Variants in DDX46 observed in about 807,000 individuals in gnomAD.
DDX46 encodes the protein probable ATP-dependent RNA helicase DDX46.
In DDX46, 30 loss-of-function variants were observed where a neutral mutation model predicts 134.9. The ratio of observed to expected loss-of-function variants is 0.22; its 90% confidence interval spans 0.17 to 0.30. The LOEUF (loss-of-function observed/expected upper bound fraction) is 0.30. DDX46 is among the 10% of genes least tolerant of loss of function. The pLI is 1.00. For synonymous variants in DDX46, 415 were observed against 404.1 expected (o/e 1.03, Z -0.32); for missense variants, 622 against 1,248.7 (o/e 0.50, Z 7.56).
chr5:134,778,807 C>T (rs1754035767), intron 6 of DDX46, among the ~76,000 whole-genome samples: 1 of 152,140 alleles, frequency 6.6e-6, no homozygotes, highest in African/African-American at 2.4e-5. Context: ...CTCCCGACCT[C>T]AGGTGATCCT....
At chr5:134,807,285 G>C (rs1199247921) in intron 15 of DDX46, among the ~76,000 whole-genome samples, 5 of 151,118 alleles carry the variant, frequency 3.3e-5, no homozygotes, top group African/African-American at 7.3e-5. Flanking sequence ...CTCTCAAAGT[G>C]CTGGGATTAC....
intron 5 of DDX46, among the ~76,000 whole-genome samples, chr5:134,775,694 A>G (rs990483013): frequency 2.0e-5 from 3 of 152,110 alleles, no homozygotes; most frequent in Non-Finnish European, 1.5e-5. Context: ...GGGTTTCACT[A>G]TGTTGGCCAG....
chr5:134,785,795 T>C (rs982263774), intron 11 of DDX46, among the ~76,000 whole-genome samples: 1 of 152,146 alleles, frequency 6.6e-6, no homozygotes, highest in Non-Finnish European at 1.5e-5. Flanking sequence ...GGTGACTAGT[T>C]AATGTTATAT....
At chr5:134,808,083 A>G (rs1755039974) in intron 16 of DDX46, 142 bp downstream of exon 16, 2 of 759,970 alleles carry the variant, frequency 2.6e-6, no homozygotes, top group African/African-American at 1.8e-5. Context: ...GTTGATGTTA[A>G]TAATTTATAT....
intron 5 of DDX46, among the ~76,000 whole-genome samples, chr5:134,776,913 CAAAAA>C (rs59477051): frequency 1.3e-5 from 1 of 78,164 alleles, no homozygotes; most frequent in African/African-American, 5.3e-5. Context: ...GACTCTGTCT[CAAAAA>C]AAAAAAAAAA....
rs1580796200 is a variant in DDX46, at chr5:134,790,203, G to GCC, written c.1544-267_1544-266insCC. The GCC allele has an allele frequency of 1.2e-5, 7 of 565,686 alleles. No individual in the cohort carries two copies. In the East Asian group the frequency reaches 2.9e-4, roughly 23 times the overall value. 35.0% of individuals were successfully genotyped at this position (565,686 alleles called of 1,614,324 possible). A position where few individuals can be genotyped will look rare whatever the true frequency, so the allele number is the denominator to read the frequency against. On this transcript the variant is annotated intron_variant, in intron 12 of 22. Transcript: ENST00000452510. ...GAGGGCTGTTTTCTGAATTTTACAGGTTCTTCAGGCCCTATGATGGTATGC... is the reference window on the plus strand; with the variant it reads ...GAGGGCTGTTTTCTGAATTTTACAGGCCTTCTTCAGGCCCTATGATGGTATGC...
In DDX46 at chr5:134,781,375, C is replaced by G. The variant is rs142856466; in HGVS notation, c.879+129C>G. 530 of 701,118 alleles carry G rather than the reference C, an allele frequency of 7.6e-4. 5 individuals are homozygous for G. The East Asian group carries it at 0.016, about 21-fold the overall frequency. The allele number at this position is 701,118 out of a possible 1,614,324, so 43.4% of individuals were successfully genotyped here. On this transcript the variant is annotated intron_variant, in intron 7 of 22. Transcript: ENST00000452510. ...TTCCCAGAATTGAGAGACATTCTTG[C>G]TATTCTTAGTAGTATAATAGTATCT...
intron 15 of DDX46, chr5:134,804,958 CACAA>C (rs1754938563): frequency 2.8e-6 from 1 of 356,908 alleles, no homozygotes; most frequent in Admixed American, 2.9e-5. Context: ...GATCTCACAA[CACAA>C]ACCCCTTGAA....
chr5:134,796,203 A>G (rs1398135170), intron 15 of DDX46, 53 bp downstream of exon 15: 4 of 1,581,918 alleles, frequency 2.5e-6, no homozygotes, highest in African/African-American at 2.7e-5. Context: ...CTTGCCAAGC[A>G]TTGTGCTGTG....
chr5:134,763,392 C>G (rs1046691293), intron 1 of DDX46, among the ~76,000 whole-genome samples: 2 of 152,240 alleles, frequency 1.3e-5, no homozygotes, highest in African/African-American at 4.8e-5. Context: ...CGTCTTATGG[C>G]ACGCTGTGTC....
intron 15 of DDX46, among the ~76,000 whole-genome samples, chr5:134,798,172 C>T (rs530908868): frequency 6.7e-6 from 1 of 149,000 alleles, no homozygotes; most frequent in Non-Finnish European, 1.5e-5. Flanking sequence ...CGCCCCCCAC[C>T]GTTTTTTTTT....
At chr5:134,769,327 G>GTTTTTTTTTTTTTTTTTTTTTTTTTTT (rs1026334806) in intron 3 of DDX46, among the ~76,000 whole-genome samples, 3 of 100,482 alleles carry the variant, frequency 3.0e-5, no homozygotes, top group African/African-American at 4.1e-5. Flanking sequence ...TATTTTCAAG[G>GTTTTTTTTTTTTTTTTTTTTTTTTTTT]TTTTTTTTTT....
intron 5 of DDX46, among the ~76,000 whole-genome samples, chr5:134,774,626 A>G (rs1490552895): frequency 6.6e-6 from 1 of 152,238 alleles, no homozygotes; most frequent in Non-Finnish European, 1.5e-5. Flanking sequence ...TTAATATATT[A>G]TACCAATGTG....
At chr5:134,807,637 A>G in intron 15 of DDX46, 111 bp from the exon 16 acceptor site, 2 of 882,324 alleles carry the variant, frequency 2.3e-6, no homozygotes, top group Non-Finnish European at 3.4e-6. Context: ...TATTTTCTAT[A>G]TTTTAGGAGT....
intron 19 of DDX46, chr5:134,817,205 C>T (rs1018504918): frequency 3.1e-6 from 1 of 319,722 alleles, no homozygotes; most frequent in South Asian, 6.4e-5. Flanking sequence ...GAAATATTTA[C>T]TGTGTCTGAC....
intron 22 of DDX46, 100 bp downstream of exon 22, chr5:134,827,120 T>A: frequency 8.1e-7 from 1 of 1,231,968 alleles, no homozygotes; most frequent in Non-Finnish European, 1.1e-6. Context: ...TATAGTTTGA[T>A]GAATTTTCAC....
intron 15 of DDX46, among the ~76,000 whole-genome samples, chr5:134,806,219 A>C (rs948591797): frequency 6.6e-6 from 1 of 152,132 alleles, no homozygotes; most frequent in Admixed American, 6.5e-5. Flanking sequence ...CTTTAAAAAA[A>C]AAAAAAAGAG....
At chr5:134,782,819 A>G in intron 8 of DDX46, 126 bp from the exon 9 acceptor site, 1 of 1,230,982 alleles carries the variant, frequency 8.1e-7, no homozygotes, top group Non-Finnish European at 1.1e-6. Flanking sequence ...AGTTGCTAGG[A>G]TTACAGGTGT....
chr5:134,820,071 A>G (rs1755399565), intron 21 of DDX46, among the ~76,000 whole-genome samples: 2 of 151,520 alleles, frequency 1.3e-5, no homozygotes, highest in Non-Finnish European at 2.9e-5. Flanking sequence ...ACAGGCATGC[A>G]CCACCATGCC....
Sources: gnomAD v4.1 joint callset for allele counts (sites outside exome capture counted in the v4.1 genomes callset) on GRCh38, gnomAD v4.1.1 for gene constraint, MANE v1.5 for transcripts, NCBI Gene and HGNC (gene_info 2026-07-23, HGNC 2026-07-21) for gene names.